Variants in LRBA observed in about 807,000 individuals in gnomAD.
LRBA encodes lipopolysaccharide-responsive and beige-like anchor protein.
Under a neutral mutation model 330.0 loss-of-function variants are expected in LRBA, and 176 were observed. The ratio of observed to expected loss-of-function variants is 0.53; its 90% CI spans 0.47 to 0.60. The LOEUF (loss-of-function observed/expected upper bound fraction) is 0.60, where lower values mean the gene tolerates loss of function less well. Among genes scored for constraint, LRBA ranks in the 20% least tolerant of loss-of-function variants. The pLI, the probability that LRBA is intolerant of heterozygous loss-of-function variation, is 0.00. For synonymous variants in LRBA, 1,230 were observed against 1,193.0 expected, an observed-to-expected ratio of 1.03 and a Z score of -0.64; for missense variants, 3,259 against 3,444.8, an observed-to-expected ratio of 0.95 and a Z score of 1.35.
rs371392864 is a variant in LRBA, at chr4:150,922,018, C to A, written c.550-725G>T. ...GATTACAGGCGTAAGCCACTGTGCC[C>A]GGCCTATATTTTTTGTATTTTTAGT... On this transcript the variant is annotated intron_variant, in intron 4 of 56. Coordinates refer to ENST00000651943, the MANE Select transcript of LRBA (RefSeq NM_001364905.1). Among the ~76,000 whole-genome samples, 6 of 152,018 alleles carry A rather than the reference C, an allele frequency of 3.9e-5. No homozygotes were observed. The East Asian group carries it at 9.7e-4, about 25-fold the overall frequency.
At chr4:150,968,483 G>A (rs1739155795) in intron 2 of LRBA, among the ~76,000 whole-genome samples, 2 of 152,198 alleles carry the variant, frequency 1.3e-5, no homozygotes, top group South Asian at 4.1e-4. Context: ...TATGGAGAAA[G>A]TTTTAGTGGT....
At chr4:150,282,399 C>T (rs766958785) in intron 55 of LRBA, 51 bp downstream of exon 55, 4 of 1,519,146 alleles carry the variant, frequency 2.6e-6, no homozygotes, top group Non-Finnish European at 3.6e-6. Context: ...CCCCACTTGA[C>T]ACACGTTGAG....
intron 40 of LRBA, among the ~76,000 whole-genome samples, chr4:150,561,484 A>C (rs1255040141): frequency 6.6e-6 from 1 of 152,218 alleles, no homozygotes; most frequent in Non-Finnish European, 1.5e-5. Context: ...GGGTGAGTCC[A>C]GTGTAATTAC....
chr4:150,531,777 G>A (rs560656556), intron 40 of LRBA, among the ~76,000 whole-genome samples: 15 of 152,300 alleles, frequency 9.8e-5, no homozygotes, highest in Admixed American at 1.3e-4. Flanking sequence ...TTAAAGTTAA[G>A]TGGCACTCCA....
intron 56 of LRBA, among the ~76,000 whole-genome samples, chr4:150,270,054 G>A (rs1269550722): frequency 1.3e-5 from 2 of 152,194 alleles, no homozygotes; most frequent in South Asian, 4.1e-4. Context: ...GAGAGACCAC[G>A]CCTGTTAGGA....
intron 17 of LRBA, among the ~76,000 whole-genome samples, chr4:150,884,415 T>C (rs949897588): frequency 2.0e-5 from 3 of 152,050 alleles, no homozygotes; most frequent in African/African-American, 7.2e-5. Context: ...GGTCACTAAC[T>C]GAAAAAGGGA....
chr4:150,696,244 T>C (rs573352054), intron 36 of LRBA, among the ~76,000 whole-genome samples: 2 of 151,954 alleles, frequency 1.3e-5, no homozygotes, highest in South Asian at 2.1e-4. Context: ...CAAAAATAAA[T>C]TTCAAATAAA....
chr4:150,781,631 G>A (rs1738242253), intron 34 of LRBA, among the ~76,000 whole-genome samples: 1 of 152,146 alleles, frequency 6.6e-6, no homozygotes, highest in Non-Finnish European at 1.5e-5. Flanking sequence ...AATAAATGAT[G>A]AAATACTTGA....
chr4:150,482,637 C>G (rs1052677063), intron 42 of LRBA, among the ~76,000 whole-genome samples: 1 of 152,066 alleles, frequency 6.6e-6, no homozygotes, highest in East Asian at 1.9e-4. Context: ...AGTCGTACCA[C>G]TTTACTTCCC....
chr4:150,328,310 T>C (rs1042185725), intron 48 of LRBA, among the ~76,000 whole-genome samples: 7 of 152,122 alleles, frequency 4.6e-5, no homozygotes, highest in African/African-American at 7.2e-5. Context: ...GTATGTCCAA[T>C]GTGTAAAAGC....
At chr4:150,557,772 A>G (rs566554096) in intron 40 of LRBA, among the ~76,000 whole-genome samples, 1 of 152,216 alleles carries the variant, frequency 6.6e-6, no homozygotes, top group East Asian at 1.9e-4. Context: ...TATCATAGCT[A>G]CATGCTATCA....
At chr4:150,733,119 C>T (rs1042181882) in intron 36 of LRBA, among the ~76,000 whole-genome samples, 1 of 151,964 alleles carries the variant, frequency 6.6e-6, no homozygotes, top group Non-Finnish European at 1.5e-5. Flanking sequence ...GAGTGCTTTA[C>T]TAATGGATAT....
At chr4:150,563,508 G>C (rs1019796327) in intron 40 of LRBA, among the ~76,000 whole-genome samples, 1 of 152,008 alleles carries the variant, frequency 6.6e-6, no homozygotes. Context: ...ACTTCTATTC[G>C]ACATAGTATT....
chr4:150,930,084 G>A (rs1734315201), intron 2 of LRBA, among the ~76,000 whole-genome samples: 1 of 152,158 alleles, frequency 6.6e-6, no homozygotes, highest in South Asian at 2.1e-4. Context: ...GGAGACCGAG[G>A]CAGGCGGACC....
At chr4:150,816,078 ACTGGC>A (rs976788025) in intron 31 of LRBA, among the ~76,000 whole-genome samples, 1 of 151,992 alleles carries the variant, frequency 6.6e-6, no homozygotes, top group African/African-American at 2.4e-5. Flanking sequence ...ATTCCCAGCT[ACTGGC>A]CAGTAGCAAT....
At chr4:151,012,315 C>T (rs1744950953) in intron 2 of LRBA, among the ~76,000 whole-genome samples, 1 of 152,296 alleles carries the variant, frequency 6.6e-6, no homozygotes, top group Middle Eastern at 3.4e-3. Context: ...AAATGACTCA[C>T]GTTTGGTCAT....
chr4:150,605,375 G>A (rs1028550284), intron 37 of LRBA, among the ~76,000 whole-genome samples: 5 of 152,044 alleles, frequency 3.3e-5, no homozygotes, highest in South Asian at 2.1e-4. Flanking sequence ...TTTCCATCTC[G>A]CCCACTTTGC....
chr4:150,840,940 A>G, intron 28 of LRBA: 1 of 1,136,164 alleles, frequency 8.8e-7, no homozygotes, highest in Non-Finnish European at 1.1e-6. Context: ...AGAAAAATAG[A>G]AGATAGGCTC....
At chr4:151,015,715 A>G (rs1182901322), upstream of LRBA, 2 of 151,912 alleles carry the variant, frequency 1.3e-5, no homozygotes, top group Non-Finnish European at 2.9e-5. Context: ...CCGCCATGAC[A>G]GCGCCGAGTG....
Sources: allele counts gnomAD v4.1 joint callset (sites outside exome capture counted in the v4.1 genomes callset), GRCh38; gene constraint gnomAD v4.1.1; transcripts MANE v1.5; gene names NCBI Gene and HGNC (gene_info 2026-07-23, HGNC 2026-07-21).